CAMTA1: variants seen among roughly 807,000 people sequenced by gnomAD.
CAMTA1 encodes the protein calmodulin binding transcription activator 1, also known as calmodulin-binding transcription activator 1.
CAMTA1 carries 27 observed loss-of-function variants against 170.9 expected under a neutral mutation model. The observed-to-expected ratio is 0.16, with a 90% CI of 0.12 to 0.22. CAMTA1 has a LOEUF of 0.22. Ranked by LOEUF, CAMTA1 falls within the 10% of genes least tolerant of loss-of-function variation. The pLI is 1.00. For synonymous variants in CAMTA1, 833 were observed against 891.5 expected (o/e 0.93, Z 1.17); for missense variants, 1,619 against 2,217.2 (o/e 0.73, Z 5.42).
At chr1:7,737,866 C>CT in intron 15 of CAMTA1, 93 bp from the exon 16 acceptor site, 1 of 1,344,992 alleles carries the variant, frequency 7.4e-7, no homozygotes, top group Non-Finnish European at 1.0e-6. Flanking sequence ...CGGCTTTGCA[C>CT]TTTGTGTCTC....
chr1:6,889,468 G>A lies in CAMTA1; in HGVS notation c.234+64258G>A, dbSNP rs184440184. ...CTTTTTACTGAAATGGAATTGTATC[G>A]CTGCTCAGAGGGATGTGGGGAGTAA... On this transcript the variant is annotated intron_variant, in intron 3 of 22. Coordinates refer to ENST00000303635, the MANE Select transcript of CAMTA1 (RefSeq NM_015215.4). Among the ~76,000 whole-genome samples, 517 of 152,298 alleles carry A rather than the reference G, an allele frequency of 3.4e-3. 9 individuals are homozygous for A. The highest frequency in any genetic ancestry group is 0.013 in the Admixed American group (206 of 15,304).
intron 5 of CAMTA1, among the ~76,000 whole-genome samples, chr1:7,255,874 T>G (rs1238880440): frequency 6.6e-6 from 1 of 152,196 alleles, no homozygotes; most frequent in Non-Finnish European, 1.5e-5. Context: ...TGGTTGTGCA[T>G]CTGGGACTTG....
chr1:6,995,724 G>A (rs1697154650), intron 3 of CAMTA1, among the ~76,000 whole-genome samples: 1 of 152,188 alleles, frequency 6.6e-6, no homozygotes, highest in Non-Finnish European at 1.5e-5. Flanking sequence ...ACAATTCCAA[G>A]AGGAAGGGGT....
At chr1:7,186,554 G>T (rs1020474083) in intron 4 of CAMTA1, among the ~76,000 whole-genome samples, 8 of 152,184 alleles carry the variant, frequency 5.3e-5, no homozygotes, top group African/African-American at 1.9e-4. Flanking sequence ...GCCCTGATCT[G>T]AGAATCTGGT....
chr1:7,307,385 T>A (rs1424283748), intron 5 of CAMTA1, among the ~76,000 whole-genome samples: 2 of 151,962 alleles, frequency 1.3e-5, no homozygotes, highest in Non-Finnish European at 1.5e-5. Context: ...AATCATGCTA[T>A]CTGAAAATAG....
intron 6 of CAMTA1, among the ~76,000 whole-genome samples, chr1:7,563,259 C>T (rs17031130): frequency 0.12 from 18,850 of 152,224 alleles, 1,619 homozygotes; most frequent in East Asian, 0.43. Context: ...CAGAGTCTTC[C>T]GCGCAGCTGC....
intron 19 of CAMTA1, among the ~76,000 whole-genome samples, chr1:7,749,982 G>A (rs986056508): frequency 2.6e-5 from 4 of 152,160 alleles, no homozygotes; most frequent in African/African-American, 9.7e-5. Context: ...AGTGGGTTTC[G>A]ACATTAATAA....
intron 4 of CAMTA1, among the ~76,000 whole-genome samples, chr1:7,240,058 A>AG (rs1664595073): frequency 6.6e-6 from 1 of 152,212 alleles, no homozygotes; most frequent in Admixed American, 6.5e-5. Flanking sequence ...CATGACCTTT[A>AG]GGGGGACACA....
Position 7,234,136 on chromosome 1 carries a change from G to A in CAMTA1, c.303-15355G>A, listed in dbSNP as rs1663368729. 1.3e-5 allele frequency among the ~76,000 whole-genome samples: 2 copies of A among 152,144 alleles called. No individual in the cohort carries two copies. The highest frequency in any genetic ancestry group is 4.2e-4 in the South Asian group (2 of 4,818). On this transcript the variant is annotated intron_variant, in intron 4 of 22. Transcript: ENST00000303635. This position sits in a 1 kb window ranked among gnomAD's most constrained non-coding sequence, Gnocchi z 5.0. The stretch of plus-strand genomic sequence containing the variant: ...CAGTAAAATCCACCCTGGTTCAGGA[G>A]CCCAGATTACTTGGGGTGAGCCGCT...
Position 6,986,314 on chromosome 1 carries a change from C to G in CAMTA1, c.235-104990C>G, listed in dbSNP as rs529983064. On this transcript the variant is annotated intron_variant, in intron 3 of 22. Transcript: ENST00000303635. ...ACACAATTATTAGATCTCCTATTAG[C>G]AAGAGGAGTGAAGTGGTCTTCTGTC... Among the ~76,000 whole-genome samples the G allele has an allele frequency of 2.0e-5, 3 of 152,284 alleles. No homozygotes were observed. In the East Asian group the frequency reaches 5.8e-4, roughly 29 times the overall value.
intron 5 of CAMTA1, among the ~76,000 whole-genome samples, chr1:7,392,701 C>T (rs1413893221): frequency 4.6e-5 from 7 of 151,846 alleles, no homozygotes; most frequent in African/African-American, 7.3e-5. Context: ...TGGCAAAACC[C>T]GTCTCTACTA....
At chr1:6,990,415 A>G (rs1390713605) in intron 3 of CAMTA1, among the ~76,000 whole-genome samples, 1 of 152,244 alleles carries the variant, frequency 6.6e-6, no homozygotes, top group Non-Finnish European at 1.5e-5. Context: ...TCCATGTATC[A>G]ATTCATCAAT....
chr1:7,343,533 G>A (rs2083995662), intron 5 of CAMTA1, among the ~76,000 whole-genome samples: 1 of 152,204 alleles, frequency 6.6e-6, no homozygotes, highest in Admixed American at 6.5e-5. Context: ...ACTTTAGAGT[G>A]TTTGTTTAAA....
rs2097035748 is a variant in CAMTA1 at position 7,768,269 on chromosome 1, ATATTAC to A, written c.*1783_*1788del. The A allele has an allele frequency of 6.5e-6, 1 of 152,738 alleles. No individual in the cohort carries two copies. The highest frequency in any genetic ancestry group is 1.5e-5 in the Non-Finnish European group (1 of 68,038). 9.5% of individuals were successfully genotyped at this position (152,738 alleles called of 1,614,324 possible). On this transcript the variant is annotated 3_prime_UTR_variant, in exon 23 of 23. Transcript: ENST00000303635. ...ACTGGTCTTTTAGAGACGGCATGGTATATTACTATTTCCACATAATGAGGAGCCAAA... is the reference window on the plus strand; with the variant it reads ...ACTGGTCTTTTAGAGACGGCATGGTATATTTCCACATAATGAGGAGCCAAA...
At chr1:7,630,282 G>A (rs1361067453) in intron 6 of CAMTA1, among the ~76,000 whole-genome samples, 1 of 152,138 alleles carries the variant, frequency 6.6e-6, no homozygotes, top group Non-Finnish European at 1.5e-5. Flanking sequence ...CCCTCTTGAG[G>A]TACATGCATC....
At chr1:7,276,290 T>TAC (rs1670596788) in intron 5 of CAMTA1, among the ~76,000 whole-genome samples, 1 of 60,232 alleles carries the variant, frequency 1.7e-5, no homozygotes, top group Admixed American at 1.9e-4. Flanking sequence ...TATATATATA[T>TAC]ATATATATAT....
intron 3 of CAMTA1, among the ~76,000 whole-genome samples, chr1:7,054,019 G>T (rs554559663): frequency 6.6e-6 from 1 of 152,306 alleles, no homozygotes; most frequent in South Asian, 2.1e-4. Flanking sequence ...GTCCTGGGCT[G>T]GGGGGTCCCT....
intron 6 of CAMTA1, among the ~76,000 whole-genome samples, chr1:7,505,770 T>A (rs1166244315): frequency 6.6e-6 from 1 of 152,196 alleles, no homozygotes; most frequent in Non-Finnish European, 1.5e-5. Context: ...CAGGGTCCAC[T>A]GTACCTGGTC....
chr1:7,586,050 C>T (rs1004994944), intron 6 of CAMTA1, among the ~76,000 whole-genome samples: 4 of 152,066 alleles, frequency 2.6e-5, no homozygotes, highest in African/African-American at 7.3e-5. Context: ...AGTTCCCAAA[C>T]AGACAAGGTG....
Sources: gnomAD v4.1 joint callset for allele counts (sites outside exome capture counted in the v4.1 genomes callset) on GRCh38, gnomAD v4.1.1 for gene constraint, Gnocchi (gnomAD v3.1) non-coding constraint, MANE v1.5 for transcripts, NCBI Gene and HGNC (gene_info 2026-07-23, HGNC 2026-07-21) for gene names.